The following MICAL2 variants were observed in gnomAD, a reference collection of about 807,000 sequenced individuals.
The protein encoded by MICAL2 is [F-actin]-monooxygenase MICAL2.
MICAL2 carries 77 observed loss-of-function variants against 127.3 expected under a neutral mutation model. That is an observed-to-expected ratio of 0.60 (90% CI 0.50 to 0.73). MICAL2 has a LOEUF of 0.73. MICAL2 is among the 30% of genes least tolerant of loss of function. The pLI is 0.00. For missense variants in MICAL2, 1,351 were observed against 1,434.4 expected (o/e 0.94, Z 0.94); for synonymous variants, 570 against 551.1 (o/e 1.03, Z -0.48).
At chr11:12,334,951 C>T (rs1196795600) in intron 32 of MICAL2, among the ~76,000 whole-genome samples, 1 of 152,090 alleles carries the variant, frequency 6.6e-6, no homozygotes, top group Non-Finnish European at 1.5e-5. Context: ...GACTTATAAT[C>T]CTTTGGGTAT....
intron 3 of MICAL2, among the ~76,000 whole-genome samples, chr11:12,169,243 A>T (rs895008219): frequency 6.6e-6 from 1 of 151,048 alleles, no homozygotes; most frequent in South Asian, 2.1e-4. Context: ...ATTTTTTTCT[A>T]CACTGGTTCT....
downstream of MICAL2, among the ~76,000 whole-genome samples, chr11:12,266,087 G>T (rs1863608012): frequency 6.6e-6 from 1 of 152,090 alleles, no homozygotes; most frequent in Middle Eastern, 3.2e-3. Flanking sequence ...ACTCCAGCTT[G>T]GATTACAGAG....
At chr11:12,219,527 T>C (rs1162419935) in intron 8 of MICAL2, among the ~76,000 whole-genome samples, 2 of 36,574 alleles carry the variant, frequency 5.5e-5, no homozygotes, top group Non-Finnish European at 4.5e-5. Flanking sequence ...AAACTCCATC[T>C]CAAAAAAAAA....
intron 29 of MICAL2, among the ~76,000 whole-genome samples, chr11:12,312,360 G>A (rs1264338207): frequency 1.4e-5 from 2 of 146,068 alleles, no homozygotes; most frequent in Non-Finnish European, 3.0e-5. Context: ...TTTGCATGAT[G>A]TGCGTTTTAT....
chr11:12,126,509 C>G (rs575640336), intron 1 of MICAL2, among the ~76,000 whole-genome samples: 2 of 152,156 alleles, frequency 1.3e-5, no homozygotes, highest in South Asian at 4.2e-4. Context: ...TTGGGAGTGG[C>G]CAGTCCAGGT....
chr11:12,325,480 G>A (rs1346066499), intron 31 of MICAL2, among the ~76,000 whole-genome samples: 5 of 152,094 alleles, frequency 3.3e-5, no homozygotes, highest in South Asian at 2.1e-4. Context: ...ACCACGGACC[G>A]GATGGCTTAA....
chr11:12,213,395 C>G lies in MICAL2; in HGVS notation c.832C>G (p.Leu278Val). The G allele has an allele frequency of 6.2e-7, 1 of 1,613,684 alleles. No individual in the cohort carries two copies. The highest frequency in any genetic ancestry group is 8.5e-7 in the Non-Finnish European group (1 of 1,179,796). Residue 278 changes from leucine to valine, a missense_variant, in exon 7 of 28, where the codon CTT becomes GTT. Around this residue, in one of 2 missense-constraint regions of MICAL2, gnomAD observed 599 missense variants for 714.9 expected, o/e 0.84. Transcript: ENST00000683283. ...CTTCAATCAGAAATTTTTTCAGGAC[C>G]TTAAAGAAGAAACAGGTGGGACCTT... ...FIFNQKFFQD[L>V]KEETGIDLEN...
intron 6 of MICAL2, among the ~76,000 whole-genome samples, chr11:12,210,666 G>C (rs1855337568): frequency 1.3e-5 from 2 of 152,234 alleles, no homozygotes; most frequent in African/African-American, 4.8e-5. Context: ...AAAAGTGTAA[G>C]TTAGAATATT....
chr11:12,347,844 C>A (rs1285385579), intron 32 of MICAL2, among the ~76,000 whole-genome samples: 1 of 152,016 alleles, frequency 6.6e-6, no homozygotes, highest in East Asian at 1.9e-4. Context: ...TATGAATGCA[C>A]AAGACCCTGA....
chr11:12,258,362 C>T lies in MICAL2; in HGVS notation c.3143-106C>T, dbSNP rs557147051. ...TTGAGCCACCCTGGGCTATTTCCATCGTTACTATTTTCTGACTTGGACAGT... is the reference window on the plus strand; with the variant it reads ...TTGAGCCACCCTGGGCTATTTCCATTGTTACTATTTTCTGACTTGGACAGT... On this transcript the variant is annotated intron_variant, in intron 24 of 27. Transcript: ENST00000683283. The T allele has an allele frequency of 1.8e-4, 157 of 853,442 alleles. No individual in the cohort carries two copies. The African/African-American group carries it at 2.3e-3, about 13-fold the overall frequency. The allele number at this position is 853,442 out of a possible 1,614,324, so 52.9% of individuals were successfully genotyped here.
At position 12,241,068 on chromosome 11, in the gene MICAL2, C is replaced by T. The variant is rs201797856; in HGVS notation, c.2243C>T (p.Pro748Leu). The change falls in exon 18 of 28, where the codon CCG (proline) becomes CTG (leucine). Residue 748 changes from proline (P) to leucine (L), a missense_variant. Pro to Leu is a moderately conservative substitution (Grantham distance 98). Around this residue, in one of 2 missense-constraint regions of MICAL2, gnomAD observed 752 missense variants for 719.4 expected, o/e 1.05. Coordinates refer to ENST00000683283, the MANE Select transcript of MICAL2 (RefSeq NM_001282663.2). ...CGCCGTGTCTCAGGGATAGGTAAGC[C>T]GGTCCTGTGCTCTTCCTCCGGCCCT... ...QERRVSGIGK[P>L]VLCSSSGPPV... 1.9e-5 allele frequency: 30 copies of T among 1,614,134 alleles called. 1 individual carries two copies. The highest frequency in any genetic ancestry group is 1.1e-4 in the South Asian group (10 of 91,072).
intron 3 of MICAL2, among the ~76,000 whole-genome samples, chr11:12,181,096 A>G (rs530906290): frequency 6.2e-4 from 94 of 152,056 alleles, no homozygotes; most frequent in Non-Finnish European, 1.1e-3. Context: ...GGCACCTGCC[A>G]CCATGCCTGG....
intron 3 of MICAL2, among the ~76,000 whole-genome samples, chr11:12,172,171 C>G (rs1158065426): frequency 6.6e-6 from 1 of 152,174 alleles, no homozygotes; most frequent in Non-Finnish European, 1.5e-5. Context: ...TGGGGTTGCT[C>G]TAGCTACATA....
At chr11:12,189,953 A>G (rs2134012350) in intron 3 of MICAL2, among the ~76,000 whole-genome samples, 1 of 152,362 alleles carries the variant, frequency 6.6e-6, no homozygotes, top group South Asian at 2.1e-4. Flanking sequence ...TACAGTAATC[A>G]TGGGCAGTCG....
chr11:12,255,454 A>ATTTTC (rs1335714489), intron 22 of MICAL2, 189 bp from the exon 23 acceptor site: 4 of 589,228 alleles, frequency 6.8e-6, no homozygotes, highest in Non-Finnish European at 9.1e-6. Flanking sequence ...GGTTTTATTT[A>ATTTTC]TTTTCTTTTC....
intron 31 of MICAL2, among the ~76,000 whole-genome samples, chr11:12,325,268 C>A (rs549481126): frequency 6.6e-6 from 1 of 152,194 alleles, no homozygotes; most frequent in South Asian, 2.1e-4. Context: ...CACCACCACG[C>A]CCAGCTAATT....
chr11:12,357,212 C>T (rs139437142), intron 34 of MICAL2, among the ~76,000 whole-genome samples: 77 of 152,318 alleles, frequency 5.1e-4, no homozygotes, highest in African/African-American at 1.2e-3. Flanking sequence ...CCCAGTCCTC[C>T]GTGTGTTAGA....
intron 8 of MICAL2, 103 bp from the exon 9 acceptor site, chr11:12,220,098 C>T: frequency 7.4e-7 from 1 of 1,356,744 alleles, no homozygotes; most frequent in Non-Finnish European, 1.0e-6. Flanking sequence ...TTCTGACTAG[C>T]CTCACTGTAG....
chr11:12,298,411 T>C (rs970151255), intron 29 of MICAL2, among the ~76,000 whole-genome samples: 1 of 152,152 alleles, frequency 6.6e-6, no homozygotes, highest in Non-Finnish European at 1.5e-5. Flanking sequence ...GTTCCCCCCA[T>C]ATATACAATC....
Sources: allele counts gnomAD v4.1 joint callset (sites outside exome capture counted in the v4.1 genomes callset), GRCh38; gene constraint gnomAD v4.1.1; regional missense constraint gnomAD v4.1.1; transcripts MANE v1.5; gene names NCBI Gene and HGNC (gene_info 2026-07-23, HGNC 2026-07-21).